ALPI: variants seen among roughly 807,000 people sequenced by gnomAD.
ALPI encodes the protein intestinal-type alkaline phosphatase.
A neutral mutation model predicts 51.5 loss-of-function variants in ALPI; 50 were observed. The observed-to-expected ratio is 0.97, with a 90% CI of 0.77 to 1.23. ALPI has a LOEUF of 1.23. ALPI is among the 50% of genes most tolerant of loss of function. The pLI is 0.00. For missense variants in ALPI, 692 were observed against 722.4 expected (o/e 0.96, Z 0.48); for synonymous variants, 322 against 308.2 (o/e 1.04, Z -0.47).
In ALPI at chr2:232,456,633, G is replaced by C; in HGVS notation, c.238G>C (p.Gly80Arg). ...CAGGATCCTAAAGGGGCAGAAGAAT[G>C]GCAAACTGGGGCCTGAGACGCCCCT... ...ATRILKGQKN[G>R]KLGPETPLAM... Residue 80 changes from glycine (G) to arginine (R), a missense_variant, in exon 3 of 11, where the codon GGC (glycine) becomes CGC (arginine). Physicochemically the swap from Gly to Arg is moderately radical, Grantham distance 125. Transcript: ENST00000295463. This position sits in a 1 kb window ranked among gnomAD's most constrained non-coding sequence, Gnocchi z 4.2. 1 of 1,613,146 alleles carries C rather than the reference G, an allele frequency of 6.2e-7. No homozygotes were observed. The highest frequency in any genetic ancestry group is 8.5e-7 in the Non-Finnish European group (1 of 1,179,680).
At position 232,459,275 on chromosome 2, in the gene ALPI, C is replaced by A; in HGVS notation, c.*129C>A. 7.8e-7 allele frequency: 1 copy of A among 1,285,810 alleles called. No homozygotes were observed. Among genetic ancestry groups the A allele is most frequent in the Non-Finnish European group, 1.0e-6 (1 of 961,088 alleles). The allele number at this position is 1,285,810 out of a possible 1,614,324, so 79.7% of individuals were successfully genotyped here. A position where few individuals can be genotyped will look rare whatever the true frequency, so the allele number is the denominator to read the frequency against. The stretch of plus-strand genomic sequence containing the variant: ...TGGACCTTCACCTCCTAGAGATAAA[C>A]CAGCCTCAGCTGGCGCAGCGGGGCC... On this transcript the variant is annotated 3_prime_UTR_variant, in exon 11 of 11. Coordinates refer to ENST00000295463, the MANE Select transcript of ALPI (RefSeq NM_001631.5).
chr2:232,459,470 A>G lies in ALPI; in HGVS notation c.*324A>G. The G allele has an allele frequency of 2.9e-6, 1 of 346,976 alleles. No individual in the cohort carries two copies. The highest frequency in any genetic ancestry group is 8.3e-4 in the Middle Eastern group (1 of 1,200). The allele number at this position is 346,976 out of a possible 1,614,324, so 21.5% of individuals were successfully genotyped here. ...CTGCACCCCAGACAATAAAGGGACC[A>G]AAACCACCCAACCCCCACCCTGCCT... On this transcript the variant is annotated 3_prime_UTR_variant, in exon 11 of 11. Transcript: ENST00000295463.
In ALPI at chr2:232,459,051, C is replaced by G. The variant is rs1346737196; in HGVS notation, c.1492C>G (p.Pro498Ala). The change falls in exon 11 of 11, where the codon CCC becomes GCC. Residue 498 changes from proline (P) to alanine (A), a missense_variant. By Grantham distance (27) the Pro-to-Ala change is conservative. Transcript: ENST00000295463. The stretch of plus-strand genomic sequence containing the variant: ...CTACACGGCCTGCGACCTGGCGCCT[C>G]CCGCCTGCACCACCGACGCCGCGCA... ...EPYTACDLAP[P>A]ACTTDAAHPV... is the part of the protein sequence containing the mutation. The G allele has an allele frequency of 3.2e-6, 5 of 1,549,702 alleles. No individual in the cohort carries two copies. The highest frequency in any genetic ancestry group is 2.0e-5 in the Admixed American group (1 of 51,226).
chr2:232,457,596 T>C lies in ALPI; in HGVS notation c.680T>C (p.Phe227Ser), dbSNP rs1484419005. The C allele has an allele frequency of 4.3e-6, 7 of 1,613,790 alleles. No homozygotes were observed. In the South Asian group the frequency reaches 6.6e-5, roughly 15 times the overall value. The change falls in exon 6 of 11, where the codon TTT becomes TCT. Residue 227 changes from phenylalanine (F) to serine (S), a missense_variant. Coordinates refer to ENST00000295463, the MANE Select transcript of ALPI (RefSeq NM_001631.5). This position sits in a 1 kb window ranked among gnomAD's most constrained non-coding sequence, Gnocchi z 4.7. Reference protein sequence around the residue: ...VILGGGRKYMFPMGTPDPEYP... With the variant: ...VILGGGRKYMSPMGTPDPEYP... ...CTTGGCGGAGGCCGCAAGTACATGT[T>C]TCCCATGGGGACCCCAGACCCTGAG...
chr2:232,457,370 C>T lies in ALPI; in HGVS notation c.648+48C>T. 6.4e-7 allele frequency: 1 copy of T among 1,570,216 alleles called. No homozygotes were observed. The highest frequency in any genetic ancestry group is 8.6e-7 in the Non-Finnish European group (1 of 1,158,150). ...TGGGGCTGGGCAGAGGGGAAGGTGGCACAGGCTCAGATCCAGGCAACCAAA... is the reference window on the plus strand; with the variant it reads ...TGGGGCTGGGCAGAGGGGAAGGTGGTACAGGCTCAGATCCAGGCAACCAAA... On this transcript the variant is annotated intron_variant, in intron 5 of 10. Coordinates refer to ENST00000295463, the MANE Select transcript of ALPI (RefSeq NM_001631.5). The surrounding 1 kb of genome is among the most constrained non-coding windows in gnomAD (Gnocchi z 4.7).
In ALPI at chr2:232,459,674, C is replaced by T. The variant is rs1690277649; in HGVS notation, c.*528C>T. On this transcript the variant is annotated 3_prime_UTR_variant, in exon 11 of 11. Transcript: ENST00000295463. The stretch of plus-strand genomic sequence containing the variant: ...AGAAGCTTCCGGCAACCCTGCAACC[C>T]ACCCAAGGAGGCTACTGGATCGGGG... The T allele has an allele frequency of 6.3e-6, 1 of 158,152 alleles. No individual in the cohort carries two copies. Among genetic ancestry groups the T allele is most frequent in the Non-Finnish European group, 1.4e-5 (1 of 72,094 alleles). The allele number at this position is 158,152 out of a possible 1,614,324, so 9.8% of individuals were successfully genotyped here. A position where few individuals can be genotyped will look rare whatever the true frequency, so the allele number is the denominator to read the frequency against.
At position 232,458,397 on chromosome 2, in the gene ALPI, G is replaced by A. The variant is rs776093989; in HGVS notation, c.1172G>A (p.Ser391Asn). 2 of 1,613,070 alleles carry A rather than the reference G, an allele frequency of 1.2e-6. No individual in the cohort carries two copies. The highest frequency in any genetic ancestry group is 1.7e-5 in the Admixed American group (1 of 59,944). Residue 391 changes from serine to asparagine, a missense_variant, in exon 9 of 11, where the codon AGC becomes AAC. Coordinates refer to ENST00000295463, the MANE Select transcript of ALPI (RefSeq NM_001631.5). ...TTTGGTGGCTACACCTTGCGAGGGAGCTCCATCTTCGGTAGGCCTGGGGAG... is the reference window on the plus strand; with the variant it reads ...TTTGGTGGCTACACCTTGCGAGGGAACTCCATCTTCGGTAGGCCTGGGGAG... ...FSFGGYTLRG[S>N]SIFGLAPSKA... is the part of the protein sequence containing the mutation.
rs748883641 is a variant in ALPI at position 232,456,399 on chromosome 2, G to C, written c.118G>C (p.Asp40His). Residue 40 changes from aspartate to histidine, a missense_variant, in exon 2 of 11, where the codon GAT becomes CAT. Physicochemically the swap from Asp to His is moderately conservative, Grantham distance 81 (BLOSUM62 -1). Transcript: ENST00000295463. This position sits in a 1 kb window ranked among gnomAD's most constrained non-coding sequence, Gnocchi z 4.2. ...FWNRQAAEALDAAKKLQPIQK... is the reference protein window; with the variant it reads ...FWNRQAAEALHAAKKLQPIQK... ...GAACCGCCAGGCAGCTGAGGCCCTG[G>C]ATGCTGCCAAGAAGCTGCAGCCCAT... 6.8e-6 allele frequency: 11 copies of C among 1,614,030 alleles called. No individual in the cohort carries two copies. The Admixed American group carries it at 1.8e-4, about 27-fold the overall frequency.
At chr2:232,458,813 G>A (rs747627424) in intron 10 of ALPI, 47 bp from the exon 11 acceptor site, 1 of 1,609,420 alleles carries the variant, frequency 6.2e-7, no homozygotes, top group Admixed American at 1.7e-5. Flanking sequence ...ATTCGCGGGA[G>A]GGGGACGCCG....
At position 232,456,276 on chromosome 2, in the gene ALPI, C is replaced by T; in HGVS notation, c.67+10C>T. On this transcript the variant is annotated intron_variant, in intron 1 of 10. Transcript: ENST00000295463. This position sits in a 1 kb window ranked among gnomAD's most constrained non-coding sequence, Gnocchi z 4.2. ...CTGGGCGTCATCCCAGGTAATGAGG[C>T]TCCCCAAGCTGTTCCACACACAGGG... The T allele has an allele frequency of 1.2e-6, 2 of 1,614,100 alleles. No homozygotes were observed. Among genetic ancestry groups the T allele is most frequent in the Non-Finnish European group, 1.7e-6 (2 of 1,180,010 alleles).
At position 232,459,374 on chromosome 2, in the gene ALPI, A is replaced by C; in HGVS notation, c.*228A>C. 1.8e-6 allele frequency: 1 copy of C among 561,448 alleles called. No homozygotes were observed. The highest frequency in any genetic ancestry group is 3.1e-6 in the Non-Finnish European group (1 of 320,232). The allele number at this position is 561,448 out of a possible 1,614,324, so 34.8% of individuals were successfully genotyped here. ...GGGAGCTGAGCCTGGGACTTCCAGG[A>C]CCTCCCCTCAGGTTGTTCTCTGATT... On this transcript the variant is annotated 3_prime_UTR_variant, in exon 11 of 11. Transcript: ENST00000295463.
Position 232,458,868 on chromosome 2 carries a change from G to A in ALPI, c.1309G>A (p.Asp437Asn). 2 of 1,610,194 alleles carry A rather than the reference G, an allele frequency of 1.2e-6. No individual in the cohort carries two copies. The highest frequency in any genetic ancestry group is 2.2e-5 in the East Asian group (1 of 44,800). The change falls in exon 11 of 11, where the codon GAT becomes AAT. Residue 437 changes from aspartate (D) to asparagine (N), a missense_variant. Transcript: ENST00000295463. The part of the protein sequence containing the change: ...DVNESESGSP[D>N]YQQQAAVPLS... ...ACTCACCCTCCTACCAGGGAGCCCC[G>A]ATTACCAGCAGCAGGCGGCGGTGCC...
rs752611716 is a variant in ALPI at position 232,458,344 on chromosome 2, C to T, written c.1119C>T (p.Val373=). 10 of 1,614,116 alleles carry T rather than the reference C, an allele frequency of 6.2e-6. No individual in the cohort carries two copies. The South Asian group carries it at 1.1e-4, about 18-fold the overall frequency. ...GCGAGGAGGACACGCTGACCCTCGTCACCGCTGACCACTCCCATGTCTTCT... is the reference window on the plus strand; with the variant it reads ...GCGAGGAGGACACGCTGACCCTCGTTACCGCTGACCACTCCCATGTCTTCT... ...LTSEEDTLTL[V]TADHSHVFSF... The change falls in exon 9 of 11, where the codon GTC becomes GTT. Residue 373 remains valine (V), a synonymous_variant. Coordinates refer to ENST00000295463, the MANE Select transcript of ALPI (RefSeq NM_001631.5).
rs764771831 is a variant in ALPI at position 232,457,674 on chromosome 2, T to A, written c.758T>A (p.Val253Glu). The A allele has an allele frequency of 1.9e-6, 3 of 1,613,480 alleles. No homozygotes were observed. Among genetic ancestry groups the A allele is most frequent in the Non-Finnish European group, 2.5e-6 (3 of 1,179,574 alleles). Residue 253 changes from valine to glutamate, a missense_variant, in exon 6 of 11, where the codon GTG becomes GAG. By Grantham distance (121) the Val-to-Glu change is moderately radical. Coordinates refer to ENST00000295463, the MANE Select transcript of ALPI (RefSeq NM_001631.5). This position sits in a 1 kb window ranked among gnomAD's most constrained non-coding sequence, Gnocchi z 4.7. ...ATCAGGCTGGACGGGAAGAACCTGG[T>A]GCAGGAATGGCTGGCAAAGCACCAG... ...NGIRLDGKNLVQEWLAKHQGA... is the reference protein window; with the variant it reads ...NGIRLDGKNLEQEWLAKHQGA...
rs148853835 is a variant in ALPI at position 232,457,048 on chromosome 2, C to T, written c.450C>T (p.Ser150=). The T allele has an allele frequency of 5.0e-6, 8 of 1,613,404 alleles. No homozygotes were observed. Among genetic ancestry groups the T allele is most frequent in the African/African-American group, 2.7e-5 (2 of 74,930 alleles). ...CGACACGCGGCAATGAGGTCATCTCCGTGATGAACCGGGCCAAGCAAGCAG... is the reference window on the plus strand; with the variant it reads ...CGACACGCGGCAATGAGGTCATCTCTGTGATGAACCGGGCCAAGCAAGCAG... The part of the protein sequence containing the change: ...CNTTRGNEVI[S]VMNRAKQAGK... The change falls in exon 4 of 11, where the codon TCC becomes TCT. Residue 150 remains serine (S), a synonymous_variant. Transcript: ENST00000295463. This position sits in a 1 kb window ranked among gnomAD's most constrained non-coding sequence, Gnocchi z 4.7.
chr2:232,458,759 C>T lies in ALPI; in HGVS notation c.1300+11C>T. The T allele has an allele frequency of 1.2e-6, 2 of 1,613,606 alleles. No individual in the cohort carries two copies. The highest frequency in any genetic ancestry group is 8.5e-7 in the Non-Finnish European group (1 of 1,179,956). On this transcript the variant is annotated intron_variant, in intron 10 of 10. Coordinates refer to ENST00000295463, the MANE Select transcript of ALPI (RefSeq NM_001631.5). ...ATGAGAGCGAGAGCGGTGAGTGAGGCTGAATGGCCCGTGCAGGGGGACCAG... is the reference window on the plus strand; with the variant it reads ...ATGAGAGCGAGAGCGGTGAGTGAGGTTGAATGGCCCGTGCAGGGGGACCAG...
Position 232,457,614 on chromosome 2 carries a change from A to AC in ALPI, c.701dup (p.Glu235Ter). The AC allele has an allele frequency of 1.2e-6, 2 of 1,613,960 alleles. No homozygotes were observed. Among genetic ancestry groups the AC allele is most frequent in the Non-Finnish European group, 8.5e-7 (1 of 1,179,942 alleles). On this transcript the variant is annotated frameshift_variant, in exon 6 of 11. Coordinates refer to ENST00000295463, the MANE Select transcript of ALPI (RefSeq NM_001631.5). LOFTEE classifies it high-confidence loss of function. This position sits in a 1 kb window ranked among gnomAD's most constrained non-coding sequence, Gnocchi z 4.7. ...TACATGTTTCCCATGGGGACCCCAG[A>AC]CCCTGAGTACCCAGCTGATGCCAGC...
At position 232,457,825 on chromosome 2, in the gene ALPI, C is replaced by A. The variant is rs1690225301; in HGVS notation, c.814C>A (p.Leu272Ile). 6.2e-7 allele frequency: 1 copy of A among 1,613,984 alleles called. No individual in the cohort carries two copies. The highest frequency in any genetic ancestry group is 1.3e-5 in the African/African-American group (1 of 74,898). The change falls in exon 7 of 11, where the codon CTC (leucine) becomes ATC (isoleucine). Residue 272 changes from leucine (L) to isoleucine (I), a missense_variant. Leu to Ile is a conservative substitution (Grantham distance 5). Coordinates refer to ENST00000295463, the MANE Select transcript of ALPI (RefSeq NM_001631.5). The surrounding 1 kb of genome is among the most constrained non-coding windows in gnomAD (Gnocchi z 4.7). ...GAWYVWNRTE[L>I]MQASLDQSVT... ...CTGGTATGTGTGGAACCGCACTGAG[C>A]TCATGCAGGCGTCCCTGGACCAGTC... is the stretch of plus-strand genomic sequence containing the variant.
At chr2:232,458,801 G>A in intron 10 of ALPI, 53 bp downstream of exon 10, 5 of 1,610,436 alleles carry the variant, frequency 3.1e-6, no homozygotes, top group Non-Finnish European at 3.4e-6. Flanking sequence ...AGGGATGGGG[G>A]CATTCGCGGG....
Sources: gnomAD v4.1 joint callset for allele counts on GRCh38, gnomAD v4.1.1 for gene constraint, Gnocchi (gnomAD v3.1) non-coding constraint, MANE v1.5 for transcripts, NCBI Gene and HGNC (gene_info 2026-07-23, HGNC 2026-07-21) for gene names.